Variants in ADGRV1 observed in about 807,000 individuals in gnomAD.
ADGRV1 encodes adhesion G protein-coupled receptor V1.
Under a neutral mutation model 596.2 loss-of-function variants are expected in ADGRV1, and 359 were observed. That is an observed-to-expected ratio of 0.60 (90% CI 0.55 to 0.66). The LOEUF (loss-of-function observed/expected upper bound fraction) is 0.66, where lower values mean the gene tolerates loss of function less well. Ranked by LOEUF, ADGRV1 falls within the 30% of genes least tolerant of loss-of-function variation. ADGRV1 has a pLI of 0.00. For missense variants in ADGRV1, 7,274 were observed against 7,575.6 expected, an observed-to-expected ratio of 0.96 and a Z score of 1.48; for synonymous variants, 2,681 against 2,679.2, an observed-to-expected ratio of 1.00 and a Z score of -0.02.
intron 83 of ADGRV1, among the ~76,000 whole-genome samples, chr5:90,867,647 G>T (rs1374060018): frequency 6.6e-6 from 1 of 152,170 alleles, no homozygotes; most frequent in Non-Finnish European, 1.5e-5. Flanking sequence ...GGCTCCTTCT[G>T]GATACTATGA....
At chr5:91,052,404 G>A (rs1184678260) in intron 85 of ADGRV1, among the ~76,000 whole-genome samples, 1 of 149,888 alleles carries the variant, frequency 6.7e-6, no homozygotes, top group East Asian at 1.9e-4. Flanking sequence ...TTTGTTGATA[G>A]CACTGAAAAA....
intron 38 of ADGRV1, among the ~76,000 whole-genome samples, chr5:90,707,236 T>A (rs1474120): frequency 0.35 from 53,317 of 151,890 alleles, 9,657 homozygotes; most frequent in Admixed American, 0.5. Flanking sequence ...GAATCTCATG[T>A]TGTTTTGGGG....
intron 83 of ADGRV1, among the ~76,000 whole-genome samples, chr5:90,910,730 T>G (rs1772809285): frequency 6.6e-6 from 1 of 152,068 alleles, no homozygotes; most frequent in Admixed American, 6.6e-5. Flanking sequence ...TGATTGGAAA[T>G]TTTTAGAGAA....
intron 1 of ADGRV1, among the ~76,000 whole-genome samples, chr5:90,573,241 C>G (rs1756773756): frequency 6.6e-6 from 1 of 152,142 alleles, no homozygotes; most frequent in African/African-American, 2.4e-5. Context: ...TGAATATTAT[C>G]TGATTCCCAC....
intron 74 of ADGRV1, among the ~76,000 whole-genome samples, chr5:90,812,369 T>C (rs533709140): frequency 1.5e-3 from 222 of 152,354 alleles, no homozygotes; most frequent in Middle Eastern, 3.4e-3. Context: ...TAATTGTACA[T>C]ATTTAGAGGG....
At chr5:90,616,589 T>C (rs1284127453) in intron 2 of ADGRV1, among the ~76,000 whole-genome samples, 4 of 152,118 alleles carry the variant, frequency 2.6e-5, no homozygotes, top group African/African-American at 4.8e-5. Context: ...TTTGTTGATA[T>C]ATAATAGTTG....
chr5:90,598,748 G>A (rs1334304235), intron 1 of ADGRV1, among the ~76,000 whole-genome samples: 2 of 152,220 alleles, frequency 1.3e-5, no homozygotes, highest in African/African-American at 4.8e-5. Context: ...TCCTGCCAGT[G>A]TGATGCATGG....
At chr5:91,080,839 C>G (rs1789291459) in intron 86 of ADGRV1, among the ~76,000 whole-genome samples, 1 of 152,122 alleles carries the variant, frequency 6.6e-6, no homozygotes, top group Non-Finnish European at 1.5e-5. Context: ...ACTAAGTCCT[C>G]AATATGTGTT....
intron 16 of ADGRV1, 143 bp downstream of exon 16, chr5:90,646,234 G>C: frequency 2.7e-6 from 1 of 363,748 alleles, no homozygotes; most frequent in Non-Finnish European, 4.5e-6. Flanking sequence ...TTTTTTCATT[G>C]AACATTTTCA....
At chr5:90,863,892 G>T (rs1263921129) in intron 83 of ADGRV1, 35 bp downstream of exon 83, 3 of 1,312,802 alleles carry the variant, frequency 2.3e-6, no homozygotes, top group Non-Finnish European at 3.3e-6. Context: ...TTTATCGTGA[G>T]ATGTTTGTGT....
intron 83 of ADGRV1, among the ~76,000 whole-genome samples, chr5:90,924,898 C>G (rs1774265413): frequency 6.6e-6 from 1 of 151,680 alleles, no homozygotes; most frequent in Non-Finnish European, 1.5e-5. Context: ...GAATCCTTTC[C>G]CCATTGCTTG....
chr5:90,964,518 T>A (rs1426667036), intron 83 of ADGRV1, among the ~76,000 whole-genome samples: 3 of 152,156 alleles, frequency 2.0e-5, no homozygotes, highest in Non-Finnish European at 4.4e-5. Context: ...ATTGCAATAT[T>A]TGACACAGTA....
intron 65 of ADGRV1, among the ~76,000 whole-genome samples, chr5:90,781,923 T>C (rs748208831): frequency 4.6e-5 from 7 of 152,302 alleles, no homozygotes; most frequent in Non-Finnish European, 1.0e-4. Context: ...GAATATTCAC[T>C]TCCTAATGAA....
chr5:90,988,474 C>T (rs1051389803), intron 85 of ADGRV1, among the ~76,000 whole-genome samples: 5 of 152,126 alleles, frequency 3.3e-5, no homozygotes, highest in African/African-American at 1.2e-4. Flanking sequence ...TGACTTTGGT[C>T]TACTTTTCCC....
intron 21 of ADGRV1, among the ~76,000 whole-genome samples, chr5:90,660,345 A>G (rs1025936460): frequency 1.3e-5 from 2 of 152,218 alleles, no homozygotes; most frequent in African/African-American, 4.8e-5. Context: ...GGGGTTCTCA[A>G]TAGTTTTGAT....
chr5:90,685,541 C>T (rs898673507), intron 28 of ADGRV1, among the ~76,000 whole-genome samples: 8 of 151,640 alleles, frequency 5.3e-5, no homozygotes, highest in Non-Finnish European at 8.8e-5. Flanking sequence ...GCCAAGATGG[C>T]GCCACTACAC....
Position 90,627,461 on chromosome 5 carries a change from C to G in ADGRV1, c.923C>G (p.Thr308Arg). 6.2e-7 allele frequency: 1 copy of G among 1,613,878 alleles called. No individual in the cohort carries two copies. Among genetic ancestry groups the G allele is most frequent in the Non-Finnish European group, 8.5e-7 (1 of 1,179,788 alleles). The change falls in exon 7 of 90, where the codon ACA (threonine) becomes AGA (arginine). Residue 308 changes from threonine (T) to arginine (R), a missense_variant. Thr to Arg is a moderately conservative substitution (Grantham distance 71). Around this residue, in one of 5 missense-constraint regions of ADGRV1, gnomAD observed 1,715 missense variants for 1,708.8 expected, o/e 1.00. Transcript: ENST00000405460. The stretch of plus-strand genomic sequence containing the variant: ...GAGGTTTCAATCAGTTATGCTGTCA[C>G]AACTGGGAATTCCACAGCACATGCC... Reference protein sequence around the residue: ...EYEVSISYAVTTGNSTAHAQQ... With the variant: ...EYEVSISYAVRTGNSTAHAQQ...
chr5:90,851,134 T>TGTGTGTGTGTGTGTGTGAGA (rs757909771), intron 79 of ADGRV1, among the ~76,000 whole-genome samples: 5 of 81,510 alleles, frequency 6.1e-5, no homozygotes, highest in Non-Finnish European at 1.1e-4. Context: ...TGTGTGTGTG[T>TGTGTGTGTGTGTGTGTGAGA]GAGAGAGAGA....
Position 90,745,146 on chromosome 5 carries a change from T to A in ADGRV1, c.10650T>A (p.Asp3550Glu), listed in dbSNP as rs368630118. Residue 3550 changes from aspartate to glutamate, a missense_variant, in exon 51 of 90, where the codon GAT becomes GAA. This residue lies in a region of ADGRV1 where 3,643 missense variants were observed against 3,809.2 expected (regional missense o/e 0.96). Transcript: ENST00000405460. ...TTCTGGAAGTACCTTCTGCTTATGA[T>A]GTGGCTTCTGTTACAGTAAAGTCCC... Reference protein sequence around the residue: ...SFVLEVPSAYDVASVTVKSLN... With the variant: ...SFVLEVPSAYEVASVTVKSLN... 1 of 1,613,548 alleles carries A rather than the reference T, an allele frequency of 6.2e-7. No individual in the cohort carries two copies. The highest frequency in any genetic ancestry group is 8.5e-7 in the Non-Finnish European group (1 of 1,179,676).
Sources: allele counts gnomAD v4.1 joint callset (sites outside exome capture counted in the v4.1 genomes callset), GRCh38; gene constraint gnomAD v4.1.1; regional missense constraint gnomAD v4.1.1; transcripts MANE v1.5; gene names NCBI Gene and HGNC (gene_info 2026-07-23, HGNC 2026-07-21).